FAM135B: variants seen among roughly 807,000 people sequenced by gnomAD.
The protein encoded by FAM135B is protein FAM135B.
Under a neutral mutation model 127.7 loss-of-function variants are expected in FAM135B, and 43 were observed. The ratio of observed to expected loss-of-function variants is 0.34; its 90% CI spans 0.26 to 0.43. FAM135B has a LOEUF of 0.43. Ranked by LOEUF, FAM135B falls within the 20% of genes least tolerant of loss-of-function variation. The pLI is 1.00. For synonymous variants in FAM135B, 670 were observed against 665.1 expected (o/e 1.01, Z -0.11); for missense variants, 1,558 against 1,725.6 (o/e 0.90, Z 1.72).
At chr8:138,155,630 A>C (rs1355053011) in intron 12 of FAM135B, among the ~76,000 whole-genome samples, 2 of 152,080 alleles carry the variant, frequency 1.3e-5, no homozygotes, top group Non-Finnish European at 2.9e-5. Flanking sequence ...AACAAAAAAA[A>C]ACAGGGGTTG....
rs1256116918 is a variant in FAM135B at position 138,243,093 on chromosome 8, T to C, written c.543-25A>G. 2 of 1,593,152 alleles carry C rather than the reference T, an allele frequency of 1.3e-6. No homozygotes were observed. The highest frequency in any genetic ancestry group is 1.1e-5 in the South Asian group (1 of 87,082). On this transcript the variant is annotated intron_variant, in intron 6 of 19. Coordinates refer to ENST00000395297, the MANE Select transcript of FAM135B (RefSeq NM_015912.4). This position sits in a 1 kb window ranked among gnomAD's most constrained non-coding sequence, Gnocchi z 7.5. ...ACTAAACAAAAGATAATTGAAAGGGTGAAAAAGGAGGTAAAGAAAGTGATG... is the reference window on the plus strand; with the variant it reads ...ACTAAACAAAAGATAATTGAAAGGGCGAAAAAGGAGGTAAAGAAAGTGATG...
intron 3 of FAM135B, among the ~76,000 whole-genome samples, chr8:138,288,576 CAGG>C (rs1824871683): frequency 6.6e-6 from 1 of 152,060 alleles, no homozygotes; most frequent in Non-Finnish European, 1.5e-5. Flanking sequence ...TAAGAGAAAG[CAGG>C]AGATGTTGAG....
At chr8:138,308,659 C>G (rs1563882171) in intron 3 of FAM135B, among the ~76,000 whole-genome samples, 1 of 151,780 alleles carries the variant, frequency 6.6e-6, no homozygotes, top group Non-Finnish European at 1.5e-5. Flanking sequence ...TGTCTCTGTG[C>G]AGCACTATCT....
At chr8:138,426,708 C>T (rs1834909481) in intron 1 of FAM135B, among the ~76,000 whole-genome samples, 1 of 151,754 alleles carries the variant, frequency 6.6e-6, no homozygotes, top group South Asian at 2.1e-4. Context: ...TCTATTAAGA[C>T]AGGATTAAGA....
chr8:138,327,808 A>T (rs1827901474), intron 2 of FAM135B, among the ~76,000 whole-genome samples: 1 of 152,186 alleles, frequency 6.6e-6, no homozygotes, highest in South Asian at 2.1e-4. Context: ...TAAGAAAAAG[A>T]GTGAGGTTAG....
chr8:138,139,545 G>T (rs1339809558), intron 17 of FAM135B, among the ~76,000 whole-genome samples: 1 of 152,196 alleles, frequency 6.6e-6, no homozygotes, highest in Non-Finnish European at 1.5e-5. Flanking sequence ...GACCGAGGCG[G>T]GTGGATCACC....
chr8:138,486,052 T>G (rs1294333088), intron 1 of FAM135B, among the ~76,000 whole-genome samples: 1 of 151,800 alleles, frequency 6.6e-6, no homozygotes, highest in Non-Finnish European at 1.5e-5. Flanking sequence ...GGTACCAAAA[T>G]GATCAGTGAG....
intron 1 of FAM135B, among the ~76,000 whole-genome samples, chr8:138,369,731 G>A (rs569024532): frequency 2.0e-5 from 3 of 152,244 alleles, no homozygotes; most frequent in African/African-American, 4.8e-5. Flanking sequence ...AATCAAAGCC[G>A]GATGGAGGGG....
At chr8:138,212,427 A>C (rs1362603361) in intron 7 of FAM135B, among the ~76,000 whole-genome samples, 2 of 152,210 alleles carry the variant, frequency 1.3e-5, no homozygotes, top group Non-Finnish European at 2.9e-5. Context: ...AGGAAATAAG[A>C]GGGAAAAAGG....
intron 2 of FAM135B, among the ~76,000 whole-genome samples, chr8:138,359,257 AC>A (rs1286833859): frequency 6.6e-6 from 1 of 152,136 alleles, no homozygotes; most frequent in Non-Finnish European, 1.5e-5. Context: ...AAGGCTACCT[AC>A]CCCTTTGTGC....
chr8:138,165,062 C>T (rs1819774874), intron 12 of FAM135B, among the ~76,000 whole-genome samples: 2 of 152,014 alleles, frequency 1.3e-5, no homozygotes, highest in South Asian at 4.2e-4. Flanking sequence ...GTTGATTTTC[C>T]AGCTGATATT....
chr8:138,386,018 C>G (rs887103406), intron 1 of FAM135B, among the ~76,000 whole-genome samples: 1 of 151,904 alleles, frequency 6.6e-6, no homozygotes, highest in African/African-American at 2.4e-5. Flanking sequence ...GTCAAGAGTT[C>G]GAGACCAGCC....
At chr8:138,217,167 G>A (rs565472858) in intron 7 of FAM135B, among the ~76,000 whole-genome samples, 2 of 152,226 alleles carry the variant, frequency 1.3e-5, no homozygotes, top group African/African-American at 2.4e-5. Context: ...TGCCCACTTA[G>A]GTCAAGAGTC....
chr8:138,194,615 GAGTC>G (rs1816459173), intron 9 of FAM135B, among the ~76,000 whole-genome samples: 1 of 152,178 alleles, frequency 6.6e-6, no homozygotes, highest in Non-Finnish European at 1.5e-5. Context: ...ATGAGACTTT[GAGTC>G]CTGCTTCTAG....
At chr8:138,396,410 C>T (rs547130794) in intron 1 of FAM135B, among the ~76,000 whole-genome samples, 108 of 152,168 alleles carry the variant, frequency 7.1e-4, no homozygotes, top group Non-Finnish European at 1.3e-3. Context: ...TTCTTGATGA[C>T]GTTCAGGCTC....
Position 138,152,465 on chromosome 8 carries a change from T to G in FAM135B, c.2010A>C (p.Ser670=). 6.2e-7 allele frequency: 1 copy of G among 1,614,194 alleles called. No individual in the cohort carries two copies. Among genetic ancestry groups the G allele is most frequent in the Non-Finnish European group, 8.5e-7 (1 of 1,180,048 alleles). The change falls in exon 13 of 20, where the codon TCA becomes TCC. Residue 670 remains serine, a synonymous_variant. Transcript: ENST00000395297. ...ATCTCTTGATGACCCCGGATAGCAC[T>G]GAGAGTTCCTCCTGCTCTTCTGTGT... ...DSHTEEQEEL[S]VLSGVIKRSS... is the part of the protein sequence containing the mutation.
intron 1 of FAM135B, chr8:138,438,339 C>T (rs1330714092): frequency 1.3e-5 from 2 of 152,032 alleles, no homozygotes; most frequent in Non-Finnish European, 2.9e-5. Context: ...AACTCTCCTT[C>T]CTTAGCAAAA....
At position 138,256,720 on chromosome 8, in the gene FAM135B, C is replaced by A. The variant is rs2130544889; in HGVS notation, c.337G>T (p.Val113Leu). The change falls in exon 5 of 20, where the codon GTG becomes TTG. Residue 113 changes from valine to leucine, a missense_variant. Physicochemically the swap from Val to Leu is conservative, Grantham distance 32 (BLOSUM62 1). Coordinates refer to ENST00000395297, the MANE Select transcript of FAM135B (RefSeq NM_015912.4). Reference protein sequence around the residue: ...ALSEVDFQLKVDLHFTDSEQQ... With the variant: ...ALSEVDFQLKLDLHFTDSEQQ... ...TCACTGTCCGTAAAGTGCAGATCCA[C>A]CTTGAGTTGAAAATCTACTTCACTC... The A allele has an allele frequency of 6.2e-7, 1 of 1,614,024 alleles. No homozygotes were observed. Among genetic ancestry groups the A allele is most frequent in the Non-Finnish European group, 8.5e-7 (1 of 1,179,956 alleles).
chr8:138,306,104 G>A (rs1826236494), intron 3 of FAM135B, among the ~76,000 whole-genome samples: 1 of 152,062 alleles, frequency 6.6e-6, no homozygotes, highest in Admixed American at 6.6e-5. Flanking sequence ...ACTAGCTGTT[G>A]GCAAGCCACA....
Sources: gnomAD v4.1 joint callset for allele counts (sites outside exome capture counted in the v4.1 genomes callset) on GRCh38, gnomAD v4.1.1 for gene constraint, Gnocchi (gnomAD v3.1) non-coding constraint, MANE v1.5 for transcripts, NCBI Gene and HGNC (gene_info 2026-07-23, HGNC 2026-07-21) for gene names.